Variants in MROH7 observed in about 807,000 individuals in gnomAD.
MROH7 encodes the protein maestro heat-like repeat-containing protein family member 7.
A neutral mutation model predicts 129.2 loss-of-function variants in MROH7; 113 were observed. The observed-to-expected ratio is 0.87, with a 90% CI of 0.75 to 1.02. MROH7 has a LOEUF of 1.02. Among genes scored for constraint, MROH7 ranks in the 50% least tolerant of loss-of-function variants. The probability of loss-of-function intolerance (pLI) is 0.00; values close to 1 mark genes in which losing one functional copy is unlikely to be tolerated. For synonymous variants in MROH7, 655 were observed against 667.9 expected, an observed-to-expected ratio of 0.98 and a Z score of 0.30; for missense variants, 1,601 against 1,671.3, an observed-to-expected ratio of 0.96 and a Z score of 0.73.
At chr1:54,700,012 C>T (rs1460831493) in intron 17 of MROH7, 6 of 633,074 alleles carry the variant, frequency 9.5e-6, no homozygotes, top group Non-Finnish European at 1.7e-5. Flanking sequence ...TGGTTGGAAG[C>T]TGGCTGGCTG....
intron 4 of MROH7, among the ~76,000 whole-genome samples, chr1:54,668,361 C>T (rs984846252): frequency 2.0e-4 from 31 of 152,322 alleles, no homozygotes; most frequent in African/African-American, 7.0e-4. Context: ...TTCTTCTTTA[C>T]TATATGAAAT....
At chr1:54,693,757 T>A (rs1645276740) in intron 16 of MROH7, among the ~76,000 whole-genome samples, 1 of 152,216 alleles carries the variant, frequency 6.6e-6, no homozygotes, top group Admixed American at 6.5e-5. Context: ...CGGGTGGTGC[T>A]TTCCCCAGGG....
chr1:54,656,140 T>C (rs1166263834), intron 3 of MROH7, among the ~76,000 whole-genome samples: 5 of 151,838 alleles, frequency 3.3e-5, no homozygotes, highest in Admixed American at 1.3e-4. Context: ...GTGATCTGCC[T>C]GCCTCAGCCG....
rs1157078989 is a variant in MROH7, at chr1:54,641,954, A to T, written c.-124A>T. On this transcript the variant is annotated 5_prime_UTR_variant, in exon 1 of 24. The change abolishes an upstream ATG in the 5' untranslated region. Coordinates refer to ENST00000421030, the MANE Select transcript of MROH7 (RefSeq NM_001039464.4). ...AGCTGGATTTTCTGTTACCATGTGG[A>T]TGCTCCAGGTGAAGGTAACACATTG... is the stretch of plus-strand genomic sequence containing the variant. 1 of 152,262 alleles carries T rather than the reference A, an allele frequency of 6.6e-6. No individual in the cohort carries two copies. 9.4% of individuals were successfully genotyped at this position (152,262 alleles called of 1,614,324 possible). A position where few individuals can be genotyped will look rare whatever the true frequency, so the allele number is the denominator to read the frequency against.
At chr1:54,654,240 G>C (rs1250860564) in intron 3 of MROH7, 83 bp downstream of exon 3, 2 of 1,312,438 alleles carry the variant, frequency 1.5e-6, no homozygotes, top group Non-Finnish European at 2.1e-6. Flanking sequence ...GAGAGGAGAA[G>C]GAAGGAAGGG....
At chr1:54,662,642 C>T (rs968720107) in intron 3 of MROH7, among the ~76,000 whole-genome samples, 3 of 152,020 alleles carry the variant, frequency 2.0e-5, no homozygotes, top group Non-Finnish European at 2.9e-5. Flanking sequence ...TCAGAGTGTA[C>T]TTCTTACAAA....
At position 54,700,246 on chromosome 1, in the gene MROH7, A is replaced by G. The variant is rs377524362; in HGVS notation, c.2965-75A>G. The G allele has an allele frequency of 3.1e-5, 49 of 1,584,452 alleles. No individual in the cohort carries two copies. The African/African-American group carries it at 4.0e-4, about 13-fold the overall frequency. ...AGCTGAGCCTGGTATCCAATGTGCA[A>G]TCCCAGTGCATGGGAGGCCAGGGGG... On this transcript the variant is annotated intron_variant, in intron 17 of 23. Transcript: ENST00000421030.
intron 5 of MROH7, among the ~76,000 whole-genome samples, 183 bp downstream of exon 5, chr1:54,669,120 G>A (rs929762750): frequency 8.5e-5 from 13 of 152,140 alleles, no homozygotes; most frequent in Admixed American, 2.0e-4. Flanking sequence ...CACAGAGGGA[G>A]CTCAGGCAAG....
intron 15 of MROH7, among the ~76,000 whole-genome samples, chr1:54,691,698 C>T (rs200889261): frequency 1.3e-5 from 2 of 150,022 alleles, no homozygotes; most frequent in East Asian, 2.0e-4. Context: ...CCCAGCTACT[C>T]GGGAGGCTGA....
At chr1:54,697,963 C>T (rs1160297648) in intron 17 of MROH7, 2 of 389,948 alleles carry the variant, frequency 5.1e-6, no homozygotes, top group Non-Finnish European at 9.2e-6. Flanking sequence ...AGCCCTTCCG[C>T]CCTGCAGCAA....
chr1:54,643,667 A>G (rs1258184650), intron 1 of MROH7, among the ~76,000 whole-genome samples: 3 of 152,354 alleles, frequency 2.0e-5, no homozygotes, highest in Non-Finnish European at 2.9e-5. Context: ...TTGGGAATCT[A>G]TCTTTTAAAA....
intron 17 of MROH7, chr1:54,699,890 G>A: frequency 1.8e-6 from 1 of 558,598 alleles, no homozygotes; most frequent in Non-Finnish European, 3.1e-6. Flanking sequence ...TTTGGATGGA[G>A]CCCTGCGAGG....
At chr1:54,663,699 A>C (rs1529784) in intron 3 of MROH7, 86,976 of 382,956 alleles carry the variant, frequency 0.23, 5,606 homozygotes, top group East Asian at 0.42. Context: ...AAAAAAAAAA[A>C]AACAAAAAAA....
chr1:54,692,654 G>C, intron 16 of MROH7, 93 bp downstream of exon 16: 7 of 1,332,476 alleles, frequency 5.3e-6, no homozygotes, highest in Non-Finnish European at 7.1e-6. Context: ...TCTCTCCCTG[G>C]GCAAGACCCT....
chr1:54,671,061 A>G, intron 7 of MROH7, 132 bp downstream of exon 7: 2 of 1,035,050 alleles, frequency 1.9e-6, no homozygotes, highest in Non-Finnish European at 1.4e-6. Flanking sequence ...CTGAGTAGGT[A>G]CTTGATAAAT....
intron 4 of MROH7, among the ~76,000 whole-genome samples, chr1:54,667,258 T>C (rs1644828528): frequency 6.6e-6 from 1 of 152,156 alleles, no homozygotes; most frequent in Admixed American, 6.6e-5. Context: ...GCCATCCCTC[T>C]GTCATCACTC....
At chr1:54,682,446 G>A (rs915985218) in intron 13 of MROH7, among the ~76,000 whole-genome samples, 2 of 152,100 alleles carry the variant, frequency 1.3e-5, no homozygotes, top group African/African-American at 4.8e-5. Flanking sequence ...GGGATTACAG[G>A]TGTGAGCCAC....
chr1:54,704,135 C>T (rs1259559201), intron 21 of MROH7, among the ~76,000 whole-genome samples: 1 of 152,210 alleles, frequency 6.6e-6, no homozygotes, highest in East Asian at 1.9e-4. Flanking sequence ...AGCTCTTTGG[C>T]CACCACCATT....
intron 8 of MROH7, 79 bp downstream of exon 8, chr1:54,673,265 G>A (rs1482694959): frequency 9.2e-7 from 1 of 1,086,808 alleles, no homozygotes; most frequent in East Asian, 2.5e-5. Context: ...AGCAGTGGAG[G>A]CCAGACCTAG....
Sources: allele counts gnomAD v4.1 joint callset (sites outside exome capture counted in the v4.1 genomes callset), GRCh38; gene constraint gnomAD v4.1.1; transcripts MANE v1.5; gene names NCBI Gene and HGNC (gene_info 2026-07-23, HGNC 2026-07-21).